The following TAFA2 variants were observed in gnomAD, a reference collection of about 807,000 sequenced individuals.
TAFA2 encodes the protein chemokine-like protein TAFA-2.
Under a neutral mutation model 18.8 loss-of-function variants are expected in TAFA2, and 7 were observed. That is an observed-to-expected ratio of 0.37 (90% CI 0.21 to 0.70). The LOEUF (loss-of-function observed/expected upper bound fraction) is 0.70, where lower values mean the gene tolerates loss of function less well. Ranked by LOEUF, TAFA2 falls within the 30% of genes least tolerant of loss-of-function variation. The pLI is 0.53. For missense variants in TAFA2, 122 were observed against 158.1 expected (o/e 0.77, Z 1.23); for synonymous variants, 60 against 54.2 (o/e 1.11, Z -0.47).
intron 1 of TAFA2, among the ~76,000 whole-genome samples, chr12:61,904,297 G>T (rs1876243746): frequency 6.6e-6 from 1 of 152,002 alleles, no homozygotes; most frequent in Non-Finnish European, 1.5e-5. Flanking sequence ...AACACTACAG[G>T]TTTTTCCCTA....
intron 1 of TAFA2, among the ~76,000 whole-genome samples, chr12:62,015,594 G>A (rs1880911489): frequency 6.6e-6 from 1 of 152,200 alleles, no homozygotes; most frequent in Admixed American, 6.5e-5. Context: ...TGATGATATA[G>A]TGGTGAGCAG....
chr12:62,045,655 A>G (rs768694921), intron 1 of TAFA2, among the ~76,000 whole-genome samples: 6 of 152,204 alleles, frequency 3.9e-5, no homozygotes, highest in Non-Finnish European at 7.4e-5. Flanking sequence ...GCCTAATGCT[A>G]AAGTGTCAGA....
intron 4 of TAFA2, among the ~76,000 whole-genome samples, chr12:61,749,993 C>CCCCCCACACA (rs1555161293): frequency 2.0e-5 from 3 of 148,782 alleles, no homozygotes; most frequent in African/African-American, 7.4e-5. Context: ...TCAAAACACC[C>CCCCCCACACA]CACACACACA....
chr12:61,995,517 C>G (rs1294712048), intron 1 of TAFA2, among the ~76,000 whole-genome samples: 1 of 152,106 alleles, frequency 6.6e-6, no homozygotes, highest in African/African-American at 2.4e-5. Context: ...TCTGTCTTCT[C>G]TATTAGAATA....
At chr12:61,994,318 G>A (rs1880110946) in intron 1 of TAFA2, among the ~76,000 whole-genome samples, 5 of 152,154 alleles carry the variant, frequency 3.3e-5, no homozygotes, top group Middle Eastern at 3.4e-3. Flanking sequence ...GATACACTGA[G>A]AAAATATCAC....
At chr12:61,855,233 A>G (rs75605083) in intron 2 of TAFA2, among the ~76,000 whole-genome samples, 1 of 152,294 alleles carries the variant, frequency 6.6e-6, no homozygotes, top group East Asian at 1.9e-4. Context: ...CACTCATTTC[A>G]GCCATAGCAA....
intron 1 of TAFA2, among the ~76,000 whole-genome samples, chr12:62,059,427 G>A (rs1169465730): frequency 1.3e-5 from 2 of 152,148 alleles, no homozygotes; most frequent in Non-Finnish European, 2.9e-5. Flanking sequence ...AGTCTATTGA[G>A]TAGGATTGGG....
At chr12:62,141,757 C>T (rs370294154) in intron 1 of TAFA2, among the ~76,000 whole-genome samples, 9 of 152,294 alleles carry the variant, frequency 5.9e-5, no homozygotes, top group South Asian at 2.1e-4. Flanking sequence ...AGCTGAATGA[C>T]TATTTTATAT....
intron 1 of TAFA2, among the ~76,000 whole-genome samples, chr12:62,185,133 G>A (rs1367062891): frequency 2.6e-5 from 4 of 152,202 alleles, no homozygotes; most frequent in Non-Finnish European, 1.5e-5. Flanking sequence ...AGTCTAATAG[G>A]GGTTGGCAAT....
chr12:62,033,618 A>G (rs1312503597), intron 1 of TAFA2, among the ~76,000 whole-genome samples: 1 of 152,212 alleles, frequency 6.6e-6, no homozygotes, highest in African/African-American at 2.4e-5. Context: ...TCTATTAATT[A>G]TTCTATCACA....
At chr12:62,258,338 G>A (rs2136998693) in intron 1 of TAFA2, 1 of 152,302 alleles carries the variant, frequency 6.6e-6, no homozygotes, top group Middle Eastern at 3.4e-3. Flanking sequence ...TTAACCTGCT[G>A]CCTTGAGCAT....
intron 1 of TAFA2, among the ~76,000 whole-genome samples, chr12:62,082,239 G>T (rs920352310): frequency 1.3e-5 from 2 of 152,102 alleles, no homozygotes; most frequent in Non-Finnish European, 2.9e-5. Context: ...ATTGTGAGTA[G>T]TGCCACAGTG....
At chr12:61,865,786 C>A (rs1874327924) in intron 2 of TAFA2, among the ~76,000 whole-genome samples, 1 of 152,162 alleles carries the variant, frequency 6.6e-6, no homozygotes, top group South Asian at 2.1e-4. Context: ...ATCATGAACA[C>A]TTGCTGTGCT....
intron 4 of TAFA2, among the ~76,000 whole-genome samples, chr12:61,734,920 C>T (rs1417152638): frequency 1.3e-5 from 2 of 151,950 alleles, no homozygotes; most frequent in African/African-American, 4.8e-5. Context: ...GAGTTGACAA[C>T]CTCTTTATGT....
intron 1 of TAFA2, chr12:62,252,236 T>C (rs2062917595): frequency 6.6e-6 from 1 of 152,240 alleles, no homozygotes; most frequent in South Asian, 2.1e-4. Flanking sequence ...TGCAAGGGCA[T>C]ACCAAGAGAT....
At chr12:61,959,663 C>A (rs1277508071) in intron 1 of TAFA2, among the ~76,000 whole-genome samples, 2 of 151,998 alleles carry the variant, frequency 1.3e-5, no homozygotes. Flanking sequence ...TAACATTAAC[C>A]ATTATGCTTT....
At chr12:61,974,899 C>A (rs376201075) in intron 1 of TAFA2, among the ~76,000 whole-genome samples, 18 of 151,894 alleles carry the variant, frequency 1.2e-4, no homozygotes, top group African/African-American at 4.1e-4. Flanking sequence ...ATCAGCTAGG[C>A]ATGCCCTGCC....
intron 1 of TAFA2, among the ~76,000 whole-genome samples, chr12:61,904,271 G>C (rs1206157800): frequency 1.3e-5 from 2 of 152,140 alleles, no homozygotes; most frequent in Admixed American, 1.3e-4. Context: ...ATGGAATCTG[G>C]ACACTTGGAT....
chr12:61,772,835 A>G (rs1175545075), intron 2 of TAFA2, among the ~76,000 whole-genome samples: 6 of 152,002 alleles, frequency 3.9e-5, no homozygotes, highest in Admixed American at 1.3e-4. Context: ...CTTCTATTCA[A>G]CATAGTACTG....
Sources: allele counts gnomAD v4.1 joint callset (sites outside exome capture counted in the v4.1 genomes callset), GRCh38; gene constraint gnomAD v4.1.1; transcripts MANE v1.5; gene names NCBI Gene and HGNC (gene_info 2026-07-23, HGNC 2026-07-21).